Variants in PTPRO observed in about 807,000 individuals in gnomAD.
PTPRO encodes receptor-type tyrosine-protein phosphatase O.
Under a neutral mutation model 145.2 loss-of-function variants are expected in PTPRO, and 62 were observed. The observed-to-expected ratio is 0.43, with a 90% CI of 0.35 to 0.53. PTPRO has a LOEUF of 0.53. Among genes scored for constraint, PTPRO ranks in the 20% least tolerant of loss-of-function variants. The pLI, the probability that PTPRO is intolerant of heterozygous loss-of-function variation, is 0.01. For synonymous variants in PTPRO, 565 were observed against 514.7 expected, an observed-to-expected ratio of 1.10 and a Z score of -1.32; for missense variants, 1,345 against 1,482.7, an observed-to-expected ratio of 0.91 and a Z score of 1.53.
intron 1 of PTPRO, among the ~76,000 whole-genome samples, chr12:15,391,938 C>G (rs950407995): frequency 6.6e-6 from 1 of 152,090 alleles, no homozygotes; most frequent in African/African-American, 2.4e-5. Context: ...TAACAGCCAT[C>G]GACTGAGTGC....
intron 23 of PTPRO, among the ~76,000 whole-genome samples, chr12:15,585,521 A>G (rs759713380): frequency 6.6e-5 from 10 of 152,108 alleles, no homozygotes; most frequent in Non-Finnish European, 8.8e-5. Flanking sequence ...TAACTTATGT[A>G]TATTTAAACA....
At chr12:15,513,761 A>G (rs1942516504) in intron 7 of PTPRO, among the ~76,000 whole-genome samples, 1 of 152,234 alleles carries the variant, frequency 6.6e-6, no homozygotes, top group Non-Finnish European at 1.5e-5. Flanking sequence ...CCAAAAAGTT[A>G]ATAAGATGAA....
rs770369337 is a variant in PTPRO at position 15,594,972 on chromosome 12, G to A, written c.3582G>A (p.Leu1194=). The A allele has an allele frequency of 6.2e-7, 1 of 1,613,918 alleles. No individual in the cohort carries two copies. Among genetic ancestry groups the A allele is most frequent in the South Asian group, 1.1e-5 (1 of 91,072 alleles). ...TTTTTATCCATCAGTGTGTGCAACTGATGTGGATGAAGAAGAAGCAGCAGT... is the reference window on the plus strand; with the variant it reads ...TTTTTATCCATCAGTGTGTGCAACTAATGTGGATGAAGAAGAAGCAGCAGT... ...QYIFIHQCVQ[L]MWMKKKQQFC... The change falls in exon 26 of 27, where the codon CTG becomes CTA. Residue 1194 remains leucine, a synonymous_variant. Transcript: ENST00000281171.
intron 1 of PTPRO, among the ~76,000 whole-genome samples, chr12:15,443,445 T>C (rs1386057452): frequency 6.6e-6 from 1 of 152,014 alleles, no homozygotes; most frequent in Non-Finnish European, 1.5e-5. Context: ...CTGGGGAAAG[T>C]ATTGATGACT....
chr12:15,576,081 T>A (rs566599012), intron 19 of PTPRO, among the ~76,000 whole-genome samples: 1 of 152,286 alleles, frequency 6.6e-6, no homozygotes, highest in South Asian at 2.1e-4. Context: ...AAATTATATT[T>A]AGAAACAAAA....
At chr12:15,348,102 A>G (rs537401307) in intron 1 of PTPRO, among the ~76,000 whole-genome samples, 1 of 152,348 alleles carries the variant, frequency 6.6e-6, no homozygotes, top group Non-Finnish European at 1.5e-5. Flanking sequence ...GTGTTTTCTT[A>G]TATGACAAAA....
chr12:15,408,938 T>A (rs1238495329), intron 1 of PTPRO, among the ~76,000 whole-genome samples: 1 of 152,180 alleles, frequency 6.6e-6, no homozygotes, highest in Non-Finnish European at 1.5e-5. Context: ...TAATAAATAA[T>A]GCCACTTTGT....
intron 1 of PTPRO, among the ~76,000 whole-genome samples, chr12:15,361,228 G>A (rs576696404): frequency 6.6e-6 from 1 of 151,612 alleles, no homozygotes; most frequent in South Asian, 2.1e-4. Flanking sequence ...ACGAGGTTAG[G>A]AGATCAAGAC....
intron 1 of PTPRO, among the ~76,000 whole-genome samples, chr12:15,406,029 C>A (rs1418261900): frequency 1.3e-5 from 2 of 152,090 alleles, no homozygotes; most frequent in African/African-American, 2.4e-5. Context: ...ATTTTTTATT[C>A]TTTAACTAAA....
intron 1 of PTPRO, among the ~76,000 whole-genome samples, chr12:15,438,405 G>A (rs1357281053): frequency 3.9e-5 from 6 of 151,956 alleles, no homozygotes; most frequent in African/African-American, 1.5e-4. Context: ...TCAAAGCGTG[G>A]ATTGCAAGGA....
chr12:15,551,205 G>A (rs558838078), intron 14 of PTPRO, among the ~76,000 whole-genome samples: 47 of 152,280 alleles, frequency 3.1e-4, no homozygotes, highest in African/African-American at 9.4e-4. Context: ...GTTAAAAAAC[G>A]ATAATGCATG....
Position 15,552,564 on chromosome 12 carries a change from C to T in PTPRO, c.2558+893C>T, listed in dbSNP as rs2300283. 2.8e-3 allele frequency among the ~76,000 whole-genome samples: 424 copies of T among 152,168 alleles called. 17 individuals are homozygous for T. The East Asian group carries it at 0.073, about 26-fold the overall frequency. ...AGCTGTCCACTAGGAGCTTACTTAC[C>T]TAACTGGATATATGAATAGATAGAT... is the stretch of plus-strand genomic sequence containing the variant. On this transcript the variant is annotated intron_variant, in intron 15 of 26. Transcript: ENST00000281171.
chr12:15,516,036 G>A (rs577996136), intron 8 of PTPRO, among the ~76,000 whole-genome samples: 24 of 142,504 alleles, frequency 1.7e-4, no homozygotes, highest in African/African-American at 6.0e-4. Context: ...TGTCACCCAG[G>A]TTGGAATGCA....
chr12:15,432,452 T>C lies in PTPRO; in HGVS notation c.76-51522T>C, dbSNP rs138264240. On this transcript the variant is annotated intron_variant, in intron 1 of 26. Transcript: ENST00000281171. ...ATGTCTTTGCTACTGTCAATAGTGC[T>C]GCAATGAATATATATGTGCATGTGT... Among the ~76,000 whole-genome samples, 303 of 152,348 alleles carry C rather than the reference T, an allele frequency of 2.0e-3. 7 individuals carry two copies. In the East Asian group the frequency reaches 0.042, roughly 21 times the overall value.
In PTPRO at chr12:15,333,464, T is replaced by A. The variant is rs190756851; in HGVS notation, c.75+10663T>A. The stretch of plus-strand genomic sequence containing the variant: ...TCCTGGAAGAGTGCCTGGCCTATGG[T>A]AATGTCCAGTGAACATTTGTTGAAC... On this transcript the variant is annotated intron_variant, in intron 1 of 26. Transcript: ENST00000281171. 1.9e-3 allele frequency among the ~76,000 whole-genome samples: 287 copies of A among 152,360 alleles called. 3 individuals are homozygous for A. Among genetic ancestry groups the A allele is most frequent in the Admixed American group, 0.018 (279 of 15,312 alleles).
intron 17 of PTPRO, among the ~76,000 whole-genome samples, chr12:15,561,503 T>C (rs1293891111): frequency 1.3e-5 from 2 of 152,206 alleles, no homozygotes; most frequent in African/African-American, 2.4e-5. Flanking sequence ...GTAGACATGA[T>C]GTGTAGGTAA....
At chr12:15,590,204 C>G (rs755814037) in intron 25 of PTPRO, among the ~76,000 whole-genome samples, 1 of 152,144 alleles carries the variant, frequency 6.6e-6, no homozygotes, top group East Asian at 1.9e-4. Context: ...CCTCTTCTCC[C>G]GAGTCCTCCC....
chr12:15,465,728 G>A (rs995554424), intron 1 of PTPRO, among the ~76,000 whole-genome samples: 2 of 152,228 alleles, frequency 1.3e-5, no homozygotes, highest in Non-Finnish European at 2.9e-5. Flanking sequence ...AGACAGGGAA[G>A]CAGCCGGGGC....
Position 15,581,739 on chromosome 12 carries a change from G to A in PTPRO, c.3193G>A (p.Val1065Met), listed in dbSNP as rs1046219632. ...EEPIAYGDITVEMISEEEQDD... is the reference protein window; with the variant it reads ...EEPIAYGDITMEMISEEEQDD... ...ACCTATAGCCTATGGAGACATCACTGTGGAGATGATTTCAGAGGAAGAGCA... is the reference window on the plus strand; with the variant it reads ...ACCTATAGCCTATGGAGACATCACTATGGAGATGATTTCAGAGGAAGAGCA... Residue 1065 changes from valine (V) to methionine (M), a missense_variant, in exon 23 of 27, where the codon GTG becomes ATG. By Grantham distance (21) the Val-to-Met change is conservative. Coordinates refer to ENST00000281171, the MANE Select transcript of PTPRO (RefSeq NM_030667.3). The A allele has an allele frequency of 1.9e-6, 3 of 1,613,862 alleles. No homozygotes were observed. Among genetic ancestry groups the A allele is most frequent in the Non-Finnish European group, 1.7e-6 (2 of 1,179,880 alleles).
Sources: allele counts gnomAD v4.1 joint callset (sites outside exome capture counted in the v4.1 genomes callset), GRCh38; gene constraint gnomAD v4.1.1; transcripts MANE v1.5; gene names NCBI Gene and HGNC (gene_info 2026-07-23, HGNC 2026-07-21).